The following MYO3B variants were observed in gnomAD, a reference collection of about 807,000 sequenced individuals.
The protein encoded by MYO3B is myosin IIIB.
MYO3B carries 156 observed loss-of-function variants against 174.6 expected under a neutral mutation model. That is an observed-to-expected ratio of 0.89 (90% CI 0.78 to 1.02). MYO3B has a LOEUF of 1.02. Ranked by LOEUF, MYO3B falls within the 50% of genes least tolerant of loss-of-function variation. The pLI is 0.00. For synonymous variants in MYO3B, 563 were observed against 569.1 expected (o/e 0.99, Z 0.15); for missense variants, 1,632 against 1,639.4 (o/e 1.00, Z 0.08).
At chr2:170,292,639 G>A (rs931404303) in intron 7 of MYO3B, among the ~76,000 whole-genome samples, 8 of 152,010 alleles carry the variant, frequency 5.3e-5, no homozygotes, top group African/African-American at 1.9e-4. Context: ...CCAGGTCCGC[G>A]TTAGCTCTAG....
At chr2:170,246,745 T>C (rs2093194643) in intron 7 of MYO3B, among the ~76,000 whole-genome samples, 1 of 152,182 alleles carries the variant, frequency 6.6e-6, no homozygotes, top group Admixed American at 6.5e-5. Flanking sequence ...TGGTTTGTGG[T>C]GCTTTCTTAT....
intron 32 of MYO3B, among the ~76,000 whole-genome samples, chr2:170,641,875 GGGC>G (rs199872646): frequency 5.6e-4 from 52 of 92,742 alleles, no homozygotes; most frequent in African/African-American, 1.7e-3. Context: ...GGGGGGGGAG[GGGC>G]GGGGAGCCAT....
At chr2:170,240,045 C>T (rs970443181) in intron 7 of MYO3B, among the ~76,000 whole-genome samples, 1 of 152,154 alleles carries the variant, frequency 6.6e-6, no homozygotes. Context: ...GCCTTTCCCA[C>T]GTCTTTGGGT....
Position 170,523,620 on chromosome 2 carries a change from T to C in MYO3B, c.3575+4080T>C, listed in dbSNP as rs558612881. 5.3e-5 allele frequency among the ~76,000 whole-genome samples: 8 copies of C among 152,282 alleles called. No homozygotes were observed. In the South Asian group the frequency reaches 1.2e-3, roughly 24 times the overall value. On this transcript the variant is annotated intron_variant, in intron 30 of 34. Coordinates refer to ENST00000408978, the MANE Select transcript of MYO3B (RefSeq NM_138995.5). ...AGAAGTTCCAGGGCTCGGTCAGCCA[T>C]TCAGGAATGTCAGCAAAGACACAGG...
intron 7 of MYO3B, among the ~76,000 whole-genome samples, chr2:170,316,556 AT>A (rs1289518323): frequency 6.6e-6 from 1 of 152,278 alleles, no homozygotes; most frequent in African/African-American, 2.4e-5. Context: ...CATGCCACCT[AT>A]TTTGGCAGTT....
chr2:170,589,568 A>C (rs1051719776), intron 32 of MYO3B, among the ~76,000 whole-genome samples: 2 of 152,206 alleles, frequency 1.3e-5, no homozygotes, highest in Non-Finnish European at 2.9e-5. Context: ...AAAAGTAAAA[A>C]AAATTTTAAA....
intron 9 of MYO3B, among the ~76,000 whole-genome samples, chr2:170,381,046 A>G (rs377538886): frequency 1.3e-5 from 2 of 152,200 alleles, no homozygotes; most frequent in Non-Finnish European, 2.9e-5. Flanking sequence ...GCTTGAGCCC[A>G]AGAGTTTGAG....
At chr2:170,592,936 CTAGATCTATA>C (rs1248143885) in intron 32 of MYO3B, among the ~76,000 whole-genome samples, 81 of 151,400 alleles carry the variant, frequency 5.4e-4, no homozygotes, top group African/African-American at 1.8e-3. Context: ...ATCTAGATAT[CTAGATCTATA>C]TATAGATATA....
At chr2:170,193,216 T>A (rs924845129) in intron 1 of MYO3B, among the ~76,000 whole-genome samples, 11 of 152,066 alleles carry the variant, frequency 7.2e-5, no homozygotes, top group African/African-American at 2.7e-4. Flanking sequence ...ATTATTGATT[T>A]AAAGTCTGCC....
At position 170,441,859 on chromosome 2, in the gene MYO3B, T is replaced by C. The variant is rs565924333; in HGVS notation, c.2651-2108T>C. ...GAGATTTGACCAGGCTTTTCTTTTT[T>C]TAACTGCAACCTGTTTTATCAGCAA... On this transcript the variant is annotated intron_variant, in intron 22 of 34. Coordinates refer to ENST00000408978, the MANE Select transcript of MYO3B (RefSeq NM_138995.5). 2.6e-5 allele frequency among the ~76,000 whole-genome samples: 4 copies of C among 152,366 alleles called. No homozygotes were observed. The South Asian group carries it at 8.3e-4, about 32-fold the overall frequency.
chr2:170,325,060 T>C (rs1397237325), intron 7 of MYO3B, among the ~76,000 whole-genome samples: 2 of 152,086 alleles, frequency 1.3e-5, no homozygotes, highest in African/African-American at 4.8e-5. Flanking sequence ...GGGCAGGGGC[T>C]CTTCCAAATT....
At position 170,314,949 on chromosome 2, in the gene MYO3B, T is replaced by C. The variant is rs535327003; in HGVS notation, c.750-20436T>C. On this transcript the variant is annotated intron_variant, in intron 7 of 34. Transcript: ENST00000408978. ...AGACTGGTCCATCAGTATCCACGTA[T>C]TTCATTTGGCAACAGTCATTCTTGG... Among the ~76,000 whole-genome samples the C allele has an allele frequency of 1.2e-4, 19 of 152,358 alleles. No individual in the cohort carries two copies. The South Asian group carries it at 3.9e-3, about 32-fold the overall frequency.
At chr2:170,417,998 A>G (rs1319954003) in intron 22 of MYO3B, among the ~76,000 whole-genome samples, 1 of 152,218 alleles carries the variant, frequency 6.6e-6, no homozygotes, top group African/African-American at 2.4e-5. Flanking sequence ...AGGCATCACC[A>G]AGGAGGAGGG....
intron 7 of MYO3B, among the ~76,000 whole-genome samples, chr2:170,269,826 G>A (rs1309652262): frequency 6.6e-6 from 1 of 152,194 alleles, no homozygotes; most frequent in Non-Finnish European, 1.5e-5. Context: ...AAACTTTAGT[G>A]TGCATCAGAG....
At chr2:170,208,735 TA>T (rs545957609) in intron 3 of MYO3B, among the ~76,000 whole-genome samples, 10 of 151,616 alleles carry the variant, frequency 6.6e-5, no homozygotes, top group Admixed American at 2.6e-4. Flanking sequence ...ATTTTTTTGT[TA>T]AAAAAAAATC....
chr2:170,615,427 G>A (rs1303923326), intron 32 of MYO3B, among the ~76,000 whole-genome samples: 1 of 152,240 alleles, frequency 6.6e-6, no homozygotes, highest in East Asian at 1.9e-4. Context: ...TGAGAAAAGA[G>A]CTTTCTAAAG....
intron 8 of MYO3B, among the ~76,000 whole-genome samples, chr2:170,366,061 T>G (rs978825180): frequency 9.2e-5 from 14 of 152,140 alleles, no homozygotes; most frequent in Non-Finnish European, 2.1e-4. Flanking sequence ...ATAAACTGCA[T>G]GCTTTTTGCA....
At chr2:170,452,394 G>C (rs1440722800) in intron 23 of MYO3B, among the ~76,000 whole-genome samples, 1 of 152,062 alleles carries the variant, frequency 6.6e-6, no homozygotes, top group East Asian at 1.9e-4. Context: ...TGGGCATCAA[G>C]AGCAACAAAA....
chr2:170,220,585 C>T (rs1202917410), intron 6 of MYO3B, among the ~76,000 whole-genome samples: 1 of 138,834 alleles, frequency 7.2e-6, no homozygotes, highest in Middle Eastern at 3.7e-3. Context: ...GCCAAGATTG[C>T]ACCACTGCAC....
Sources: gnomAD v4.1 joint callset for allele counts (sites outside exome capture counted in the v4.1 genomes callset) on GRCh38, gnomAD v4.1.1 for gene constraint, MANE v1.5 for transcripts, NCBI Gene and HGNC (gene_info 2026-07-23, HGNC 2026-07-21) for gene names.